AKAP13: variants seen among roughly 807,000 people sequenced by gnomAD.
AKAP13 encodes the protein A-kinase anchoring protein 13, also known as A-kinase anchor protein 13.
Under a neutral mutation model 264.5 loss-of-function variants are expected in AKAP13, and 80 were observed. That is an observed-to-expected ratio of 0.30 (90% CI 0.25 to 0.36). The LOEUF is 0.36. AKAP13 is among the 10% of genes least tolerant of loss of function. The probability of loss-of-function intolerance (pLI) is 1.00; values close to 1 mark genes in which losing one functional copy is unlikely to be tolerated. For missense variants in AKAP13, 3,712 were observed against 3,435.2 expected, an observed-to-expected ratio of 1.08 and a Z score of -2.01; for synonymous variants, 1,380 against 1,250.2, an observed-to-expected ratio of 1.10 and a Z score of -2.19.
Position 85,743,556 on chromosome 15 carries a change from C to A in AKAP13, c.8123C>A (p.Pro2708His). ...TTCTTCCCCAGTCCTGAGGAGCCCC[C>A]CTCGCCATCTGCACCTTCCATAGCC... ...PSFFPSPEEP[P>H]SPSAPSIAKS... Residue 2708 changes from proline to histidine, a missense_variant, in exon 36 of 37, where the codon CCC (proline) becomes CAC (histidine). Coordinates refer to ENST00000394518, the MANE Select transcript of AKAP13 (RefSeq NM_007200.5). 1 of 1,614,144 alleles carries A rather than the reference C, an allele frequency of 6.2e-7. No individual in the cohort carries two copies. Among genetic ancestry groups the A allele is most frequent in the Non-Finnish European group, 8.5e-7 (1 of 1,180,024 alleles).
intron 8 of AKAP13, among the ~76,000 whole-genome samples, chr15:85,595,136 G>T (rs1274879029): frequency 1.3e-5 from 2 of 151,988 alleles, no homozygotes; most frequent in Non-Finnish European, 2.9e-5. Context: ...GTCTCACTTT[G>T]TTGCCCAGGT....
At chr15:85,411,527 T>G (rs1215079142) in intron 1 of AKAP13, among the ~76,000 whole-genome samples, 1 of 152,140 alleles carries the variant, frequency 6.6e-6, no homozygotes, top group Non-Finnish European at 1.5e-5. Flanking sequence ...AAGCTCCGCT[T>G]CCCGGGTTCA....
Position 85,748,608 on chromosome 15 carries a change from G to C in AKAP13, c.*3931G>C, listed in dbSNP as rs936143095. 3 of 152,202 alleles carry C rather than the reference G, an allele frequency of 2.0e-5. No homozygotes were observed. The highest frequency in any genetic ancestry group is 2.9e-5 in the Non-Finnish European group (2 of 68,036). 9.4% of individuals were successfully genotyped at this position (152,202 alleles called of 1,614,324 possible). A position where few individuals can be genotyped will look rare whatever the true frequency, so the allele number is the denominator to read the frequency against. Reference sequence around the variant, plus strand: ...TTGGAATCTACTGCCTGCTGGCCAGGCTTTAAAATGAAAAGTGTTTTAATG... The same window carrying C: ...TTGGAATCTACTGCCTGCTGGCCAGCCTTTAAAATGAAAAGTGTTTTAATG... On this transcript the variant is annotated 3_prime_UTR_variant, in exon 37 of 37. Coordinates refer to ENST00000394518, the MANE Select transcript of AKAP13 (RefSeq NM_007200.5).
Position 85,708,752 on chromosome 15 carries a change from A to G in AKAP13, c.5532+666A>G, listed in dbSNP as rs544577439. ...TGTAAGTGTCTCTTCATTCCTTGTC[A>G]AAGGAGTGCTTTCCAACTTCGTCGA... On this transcript the variant is annotated intron_variant, in intron 18 of 36. Coordinates refer to ENST00000394518, the MANE Select transcript of AKAP13 (RefSeq NM_007200.5). This position sits in a 1 kb window ranked among gnomAD's most constrained non-coding sequence, Gnocchi z 4.3. Among the ~76,000 whole-genome samples, 1 of 152,174 alleles carries G rather than the reference A, an allele frequency of 6.6e-6. No individual in the cohort carries two copies. The highest frequency in any genetic ancestry group is 2.1e-4 in the South Asian group (1 of 4,824).
At chr15:85,464,980 G>T (rs2074668962) in intron 1 of AKAP13, among the ~76,000 whole-genome samples, 1 of 151,948 alleles carries the variant, frequency 6.6e-6, no homozygotes, top group South Asian at 2.1e-4. Flanking sequence ...TTGCTCTGTC[G>T]CCCAGGCTGG....
intron 1 of AKAP13, among the ~76,000 whole-genome samples, chr15:85,394,227 G>C (rs909786215): frequency 6.6e-6 from 1 of 152,186 alleles, no homozygotes; most frequent in Non-Finnish European, 1.5e-5. Context: ...GCACCATGAA[G>C]TTCTAAACAT....
chr15:85,444,093 GT>G, intron 1 of AKAP13, among the ~76,000 whole-genome samples: 1 of 152,234 alleles, frequency 6.6e-6, no homozygotes, highest in African/African-American at 2.4e-5. Context: ...ACAAAGGGAG[GT>G]GGGATATTTG....
At chr15:85,425,789 G>A (rs2072749226) in intron 1 of AKAP13, among the ~76,000 whole-genome samples, 1 of 151,814 alleles carries the variant, frequency 6.6e-6, no homozygotes, top group African/African-American at 2.4e-5. Flanking sequence ...GGGAGTTAGG[G>A]CAAGACTTTT....
intron 3 of AKAP13, among the ~76,000 whole-genome samples, chr15:85,527,899 T>C (rs2077128584): frequency 6.6e-6 from 1 of 152,164 alleles, no homozygotes. Context: ...AATAAAGATA[T>C]TATTTTTATA....
At chr15:85,649,971 G>A (rs2082728331) in intron 10 of AKAP13, among the ~76,000 whole-genome samples, 1 of 151,846 alleles carries the variant, frequency 6.6e-6, no homozygotes, top group Admixed American at 6.6e-5. Context: ...TTCTTCCCCA[G>A]GTTAGCAGAT....
At chr15:85,488,070 T>C (rs900938892) in intron 2 of AKAP13, among the ~76,000 whole-genome samples, 1 of 152,198 alleles carries the variant, frequency 6.6e-6, no homozygotes, top group South Asian at 2.1e-4. Context: ...GCTATTTGTA[T>C]TTATTTTTTG....
intron 13 of AKAP13, among the ~76,000 whole-genome samples, chr15:85,668,661 G>C (rs1044864997): frequency 6.6e-6 from 1 of 152,132 alleles, no homozygotes; most frequent in Non-Finnish European, 1.5e-5. Flanking sequence ...AAAATCAGAG[G>C]CCAGGCCTGG....
chr15:85,419,645 A>G (rs1174139169), intron 1 of AKAP13, among the ~76,000 whole-genome samples: 1 of 152,102 alleles, frequency 6.6e-6, no homozygotes, highest in Non-Finnish European at 1.5e-5. Context: ...TGGAGAGGGA[A>G]TGTAGAGAGA....
At chr15:85,655,093 G>T (rs1205675619) in intron 10 of AKAP13, among the ~76,000 whole-genome samples, 1 of 152,114 alleles carries the variant, frequency 6.6e-6, no homozygotes, top group Non-Finnish European at 1.5e-5. Flanking sequence ...TTGGGAGGCC[G>T]AGGCAGGATA....
chr15:85,496,351 C>G (rs1288773079), intron 2 of AKAP13, among the ~76,000 whole-genome samples: 2 of 152,096 alleles, frequency 1.3e-5, no homozygotes, highest in Admixed American at 6.6e-5. Context: ...TCCGTGAAGA[C>G]TTGGACTTTG....
At chr15:85,466,040 CCTTT>C (rs1369687556) in intron 1 of AKAP13, among the ~76,000 whole-genome samples, 26 of 152,168 alleles carry the variant, frequency 1.7e-4, no homozygotes, top group African/African-American at 6.0e-4. Context: ...TTAATGGTTG[CCTTT>C]CTAACTGGTG....
At chr15:85,669,227 G>C (rs1466617918) in intron 13 of AKAP13, among the ~76,000 whole-genome samples, 1 of 152,104 alleles carries the variant, frequency 6.6e-6, no homozygotes, top group African/African-American at 2.4e-5. Context: ...GACAGAGTGA[G>C]ACTCTGTCTA....
rs913161118 is a variant in AKAP13, at chr15:85,746,484, A to G, written c.*1807A>G. ...GTCCTTCCCTCCCCCACCCCGCCTC[A>G]TTCTTTAATCAAAGGATGTCTTCTC... is the stretch of plus-strand genomic sequence containing the variant. On this transcript the variant is annotated 3_prime_UTR_variant, in exon 37 of 37. Transcript: ENST00000394518. 6.7e-6 allele frequency: 1 copy of G among 149,088 alleles called. No homozygotes were observed. The highest frequency in any genetic ancestry group is 2.5e-5 in the African/African-American group (1 of 40,212). 9.2% of individuals were successfully genotyped at this position (149,088 alleles called of 1,614,324 possible).
At chr15:85,480,424 T>G (rs1468637393) in intron 1 of AKAP13, among the ~76,000 whole-genome samples, 4 of 152,146 alleles carry the variant, frequency 2.6e-5, no homozygotes, top group Non-Finnish European at 4.4e-5. Context: ...GATCATCTCT[T>G]CCAGTAACCC....
Sources: gnomAD v4.1 joint callset for allele counts (sites outside exome capture counted in the v4.1 genomes callset) on GRCh38, gnomAD v4.1.1 for gene constraint, Gnocchi (gnomAD v3.1) non-coding constraint, MANE v1.5 for transcripts, NCBI Gene and HGNC (gene_info 2026-07-23, HGNC 2026-07-21) for gene names.